ADAMTS17: variants seen among roughly 807,000 people sequenced by gnomAD.
ADAMTS17 encodes the protein ADAM metallopeptidase with thrombospondin type 1 motif 17, also known as A disintegrin and metalloproteinase with thrombospondin motifs 17.
In ADAMTS17, 113 loss-of-function variants were observed where a neutral mutation model predicts 141.5. The ratio of observed to expected loss-of-function variants is 0.80; its 90% CI spans 0.69 to 0.93. The LOEUF (loss-of-function observed/expected upper bound fraction) is 0.93, where lower values mean the gene tolerates loss of function less well. Ranked by LOEUF, ADAMTS17 falls within the 40% of genes least tolerant of loss-of-function variation. The pLI is 0.00. For synonymous variants in ADAMTS17, 768 were observed against 630.6 expected (o/e 1.22, Z -3.27); for missense variants, 1,659 against 1,517.9 (o/e 1.09, Z -1.54).
intron 18 of ADAMTS17, among the ~76,000 whole-genome samples, chr15:100,027,837 C>A (rs987727108): frequency 6.6e-6 from 1 of 152,226 alleles, no homozygotes; most frequent in African/African-American, 2.4e-5. Flanking sequence ...GGACATCATG[C>A]AGACCCTGAG....
At chr15:100,109,619 G>A (rs1473669189) in intron 13 of ADAMTS17, among the ~76,000 whole-genome samples, 1 of 152,088 alleles carries the variant, frequency 6.6e-6, no homozygotes, top group African/African-American at 2.4e-5. Context: ...GTGCTTTGGG[G>A]TACGGAGATC....
At chr15:100,155,083 T>C in intron 9 of ADAMTS17, 97 bp downstream of exon 9, 1 of 1,579,758 alleles carries the variant, frequency 6.3e-7, no homozygotes, top group Non-Finnish European at 8.7e-7. Flanking sequence ...CAAAAGAGAG[T>C]CATTTCTCCA....
At chr15:100,023,940 C>T (rs1048774780) in intron 18 of ADAMTS17, among the ~76,000 whole-genome samples, 5 of 152,150 alleles carry the variant, frequency 3.3e-5, no homozygotes, top group South Asian at 2.1e-4. Context: ...CAAAAAATAG[C>T]GAGAGAACCA....
At chr15:100,077,283 CAAAAAAAA>C (rs71151934) in intron 15 of ADAMTS17, among the ~76,000 whole-genome samples, 2,898 of 54,620 alleles carry the variant, frequency 0.053, 188 homozygotes, top group African/African-American at 0.17. Context: ...ATCTCTACCA[CAAAAAAAA>C]AAAAAAAAAA....
rs184469355 is a variant in ADAMTS17 at position 100,284,607 on chromosome 15, G to C, written c.617-3206C>G. On this transcript the variant is annotated intron_variant, in intron 3 of 21. Coordinates refer to ENST00000268070, the MANE Select transcript of ADAMTS17 (RefSeq NM_139057.4). ...AGGAGCACTGAGGGGTGGGAGGCTA[G>C]AGGGCACCTTAGCCTTCTCCTCCCT... 9.2e-5 allele frequency among the ~76,000 whole-genome samples: 14 copies of C among 152,274 alleles called. No homozygotes were observed. The East Asian group carries it at 2.5e-3, about 27-fold the overall frequency.
chr15:100,156,659 C>T (rs1260119323), intron 8 of ADAMTS17, among the ~76,000 whole-genome samples: 1 of 152,218 alleles, frequency 6.6e-6, no homozygotes, highest in African/African-American at 2.4e-5. Flanking sequence ...TGGGGACAAA[C>T]ACCAAGTTGT....
chr15:99,975,125 T>C (rs913649836), intron 21 of ADAMTS17, among the ~76,000 whole-genome samples: 4 of 152,210 alleles, frequency 2.6e-5, no homozygotes, highest in African/African-American at 9.6e-5. Context: ...CCCCTTCATT[T>C]TGGTGAGTTT....
intron 18 of ADAMTS17, among the ~76,000 whole-genome samples, chr15:100,011,334 A>AG (rs71151932): frequency 6.7e-4 from 47 of 70,550 alleles, no homozygotes; most frequent in South Asian, 1.7e-3. Context: ...GGAGGGAGGG[A>AG]GGGAAGGAAA....
intron 18 of ADAMTS17, among the ~76,000 whole-genome samples, chr15:100,040,651 T>C (rs2031164807): frequency 6.7e-6 from 1 of 148,578 alleles, no homozygotes; most frequent in African/African-American, 2.5e-5. Context: ...TCCTCTGTAA[T>C]GATCAAACGA....
intron 15 of ADAMTS17, among the ~76,000 whole-genome samples, chr15:100,057,724 C>T (rs1045831879): frequency 6.6e-6 from 1 of 152,172 alleles, no homozygotes; most frequent in African/African-American, 2.4e-5. Context: ...GACTTTTGTT[C>T]ACCTTAGGAA....
intron 9 of ADAMTS17, among the ~76,000 whole-genome samples, chr15:100,153,307 G>A (rs1192440746): frequency 1.3e-5 from 2 of 152,114 alleles, no homozygotes; most frequent in African/African-American, 4.8e-5. Context: ...TTCAACTGGG[G>A]TGGGAGCATT....
intron 18 of ADAMTS17, among the ~76,000 whole-genome samples, chr15:100,047,911 G>C (rs1422945580): frequency 1.3e-5 from 2 of 152,170 alleles, no homozygotes; most frequent in Non-Finnish European, 2.9e-5. Context: ...GCATTAGGGT[G>C]GAATTTCATT....
chr15:100,107,154 A>G (rs2036459774), intron 14 of ADAMTS17, among the ~76,000 whole-genome samples: 1 of 152,160 alleles, frequency 6.6e-6, no homozygotes. Flanking sequence ...TGCAGCAATC[A>G]CCCTGGAAGC....
At chr15:100,205,116 T>C (rs1314910421) in intron 7 of ADAMTS17, among the ~76,000 whole-genome samples, 2 of 152,148 alleles carry the variant, frequency 1.3e-5, no homozygotes, top group Non-Finnish European at 2.9e-5. Context: ...AGGACACAGA[T>C]GTCCTTGGCT....
intron 7 of ADAMTS17, among the ~76,000 whole-genome samples, chr15:100,222,363 A>G (rs1182535753): frequency 6.6e-6 from 1 of 152,168 alleles, no homozygotes; most frequent in African/African-American, 2.4e-5. Context: ...ACGTAGATGA[A>G]AGGGGCCACA....
At chr15:100,251,391 C>T (rs183706027) in intron 7 of ADAMTS17, among the ~76,000 whole-genome samples, 2 of 152,364 alleles carry the variant, frequency 1.3e-5, no homozygotes, top group Non-Finnish European at 1.5e-5. Context: ...GAAACCCTAA[C>T]TCCCAATGTG....
At chr15:100,249,796 T>C (rs1427795043) in intron 7 of ADAMTS17, among the ~76,000 whole-genome samples, 2 of 152,224 alleles carry the variant, frequency 1.3e-5, no homozygotes, top group African/African-American at 4.8e-5. Flanking sequence ...TCAGAGTTTA[T>C]TCCAATGCTT....
At chr15:100,281,552 T>C in intron 3 of ADAMTS17, 151 bp from the exon 4 acceptor site, 2 of 1,071,090 alleles carry the variant, frequency 1.9e-6, no homozygotes, top group Middle Eastern at 2.8e-4. Context: ...CACCGTCATG[T>C]GGGTGCCCCG....
chr15:100,196,273 G>C (rs1246740040), intron 8 of ADAMTS17, among the ~76,000 whole-genome samples: 1 of 152,342 alleles, frequency 6.6e-6, no homozygotes, highest in South Asian at 2.1e-4. Flanking sequence ...AAAGAGAAGA[G>C]GGAGGAAAGT....
Sources: gnomAD v4.1 joint callset for allele counts (sites outside exome capture counted in the v4.1 genomes callset) on GRCh38, gnomAD v4.1.1 for gene constraint, MANE v1.5 for transcripts, NCBI Gene and HGNC (gene_info 2026-07-23, HGNC 2026-07-21) for gene names.